NIPAL2: variants seen among roughly 807,000 people sequenced by gnomAD.
The protein encoded by NIPAL2 is NIPA like domain containing 2.
A neutral mutation model predicts 48.9 loss-of-function variants in NIPAL2; 43 were observed. That is an observed-to-expected ratio of 0.88 (90% CI 0.69 to 1.13). The LOEUF (loss-of-function observed/expected upper bound fraction) is 1.13. NIPAL2 is among the 50% of genes most tolerant of loss of function. The probability of loss-of-function intolerance (pLI) is 0.00; values close to 1 mark genes in which losing one functional copy is unlikely to be tolerated. For synonymous variants in NIPAL2, 167 were observed against 174.6 expected (o/e 0.96, Z 0.34); for missense variants, 446 against 461.4 (o/e 0.97, Z 0.31).
chr8:98,289,199 C>T (rs1248266422), intron 1 of NIPAL2, among the ~76,000 whole-genome samples: 1 of 152,008 alleles, frequency 6.6e-6, no homozygotes, highest in South Asian at 2.1e-4. Context: ...ATCCATTTTT[C>T]CCCTTTTTTT....
chr8:98,229,592 G>A (rs557190987), intron 4 of NIPAL2, among the ~76,000 whole-genome samples: 1 of 152,158 alleles, frequency 6.6e-6, no homozygotes, highest in Non-Finnish European at 1.5e-5. Flanking sequence ...TGTCCAGGCT[G>A]GTCTCGAACT....
intron 1 of NIPAL2, among the ~76,000 whole-genome samples, chr8:98,264,752 C>A (rs1273163770): frequency 2.6e-5 from 4 of 151,876 alleles, no homozygotes; most frequent in African/African-American, 7.3e-5. Context: ...GCTACCAATG[C>A]CTTTCTTCAT....
At chr8:98,238,823 T>C (rs1812846830) in intron 3 of NIPAL2, among the ~76,000 whole-genome samples, 1 of 152,140 alleles carries the variant, frequency 6.6e-6, no homozygotes. Context: ...ACATGGCTCA[T>C]TAAAGTAAGA....
chr8:98,239,019 G>A (rs1812856607), intron 3 of NIPAL2, among the ~76,000 whole-genome samples: 1 of 152,124 alleles, frequency 6.6e-6, no homozygotes, highest in Non-Finnish European at 1.5e-5. Context: ...CTAAGTAGGA[G>A]ATCGATTAGC....
In NIPAL2 at chr8:98,192,995, C is replaced by T. The variant is rs540816475; in HGVS notation, c.1135G>A (p.Glu379Lys). The change falls in exon 11 of 11, where the codon GAG (glutamate) becomes AAG (lysine). Residue 379 changes from glutamate to lysine, a missense_variant. Glu to Lys is a moderately conservative substitution (Grantham distance 56, BLOSUM62 1). Coordinates refer to ENST00000430223, the MANE Select transcript of NIPAL2 (RefSeq NM_001321635.2). ...GSDSTKSQSG[E>K]KKEV ...CTCAGCATTTAGACCTCTTTCTTCTCTCCACTTTGGCTCTTTGTTGAGTCA... is the reference window on the plus strand; with the variant it reads ...CTCAGCATTTAGACCTCTTTCTTCTTTCCACTTTGGCTCTTTGTTGAGTCA... 587 of 1,612,030 alleles carry T rather than the reference C, an allele frequency of 3.6e-4. 10 individuals are homozygous for T. In the South Asian group the frequency reaches 6.1e-3, roughly 17 times the overall value.
chr8:98,207,155 C>G (rs1049654328), intron 6 of NIPAL2, among the ~76,000 whole-genome samples: 6 of 152,190 alleles, frequency 3.9e-5, no homozygotes, highest in African/African-American at 1.4e-4. Context: ...GTTGAACGTA[C>G]TGTTCCATTA....
chr8:98,242,036 A>G (rs1199068811), intron 3 of NIPAL2, among the ~76,000 whole-genome samples: 3 of 152,256 alleles, frequency 2.0e-5, no homozygotes, highest in African/African-American at 7.2e-5. Context: ...ATGGCATAAA[A>G]GGCAAAAGGT....
At chr8:98,258,939 G>C (rs1055866046) in intron 1 of NIPAL2, among the ~76,000 whole-genome samples, 1 of 151,032 alleles carries the variant, frequency 6.6e-6, no homozygotes, top group Non-Finnish European at 1.5e-5. Flanking sequence ...AACAGTCTGC[G>C]TATTAAAAAA....
intron 1 of NIPAL2, among the ~76,000 whole-genome samples, chr8:98,285,188 C>T (rs1395552337): frequency 1.3e-5 from 2 of 152,138 alleles, no homozygotes; most frequent in Non-Finnish European, 2.9e-5. Flanking sequence ...AATGAAAGGT[C>T]CTGGGTGAGC....
chr8:98,242,950 C>T (rs1193886214), intron 3 of NIPAL2, among the ~76,000 whole-genome samples: 1 of 151,980 alleles, frequency 6.6e-6, no homozygotes, highest in Admixed American at 6.6e-5. Flanking sequence ...TTAAAAATTA[C>T]GTTAAAAAAT....
At chr8:98,236,037 A>T in intron 4 of NIPAL2, 118 bp downstream of exon 4, 1 of 694,142 alleles carries the variant, frequency 1.4e-6, no homozygotes, top group Non-Finnish European at 2.5e-6. Flanking sequence ...TCTAAATGAG[A>T]CTTACACCCA....
Position 98,222,515 on chromosome 8 carries a change from C to G in NIPAL2, c.522G>C (p.Gln174His). ...ITQAISARTV[Q>H]YYLVGWQFLI... The stretch of plus-strand genomic sequence containing the variant: ...GGAACTGCCATCCGACAAGGTAATA[C>G]TGTACTGTTCTTGCTGAGATTGCCT... The change falls in exon 5 of 11, where the codon CAG becomes CAC. Residue 174 changes from glutamine (Q) to histidine (H), a missense_variant. Gln to His is a conservative substitution (Grantham distance 24, BLOSUM62 0). Transcript: ENST00000430223. The G allele has an allele frequency of 6.2e-7, 1 of 1,614,102 alleles. No individual in the cohort carries two copies. The highest frequency in any genetic ancestry group is 8.5e-7 in the Non-Finnish European group (1 of 1,179,948).
intron 1 of NIPAL2, among the ~76,000 whole-genome samples, chr8:98,286,777 T>G (rs1477980800): frequency 7.1e-6 from 1 of 140,026 alleles, no homozygotes; most frequent in East Asian, 2.1e-4. Flanking sequence ...CAACTGCAAC[T>G]GCACTCCAGC....
intron 1 of NIPAL2, among the ~76,000 whole-genome samples, chr8:98,281,106 A>C (rs1036534259): frequency 6.6e-6 from 1 of 152,134 alleles, no homozygotes; most frequent in Non-Finnish European, 1.5e-5. Context: ...ACTGCTTGAG[A>C]AAAACACACT....
chr8:98,278,120 T>G (rs908612958), intron 1 of NIPAL2, among the ~76,000 whole-genome samples: 4 of 152,192 alleles, frequency 2.6e-5, no homozygotes, highest in African/African-American at 9.6e-5. Flanking sequence ...CTTCTGGCCC[T>G]TATTGTTGTT....
At position 98,192,851 on chromosome 8, in the gene NIPAL2, G is replaced by C; in HGVS notation, c.*127C>G. ...CGATTGTCCATAGACGCTGAGGTGG[G>C]GGAAAGGACTGAAATGAATGCTAGC... is the stretch of plus-strand genomic sequence containing the variant. On this transcript the variant is annotated 3_prime_UTR_variant, in exon 11 of 11. Coordinates refer to ENST00000430223, the MANE Select transcript of NIPAL2 (RefSeq NM_001321635.2). 1 of 654,272 alleles carries C rather than the reference G, an allele frequency of 1.5e-6. No homozygotes were observed. Among genetic ancestry groups the C allele is most frequent in the Non-Finnish European group, 2.7e-6 (1 of 364,782 alleles). The allele number at this position is 654,272 out of a possible 1,614,324, so 40.5% of individuals were successfully genotyped here.
chr8:98,223,927 A>T (rs557264383), intron 4 of NIPAL2, among the ~76,000 whole-genome samples: 1 of 152,342 alleles, frequency 6.6e-6, no homozygotes, highest in South Asian at 2.1e-4. Context: ...TTGGAAAAAA[A>T]ATTACATAAT....
At chr8:98,282,844 G>A (rs562666635) in intron 1 of NIPAL2, among the ~76,000 whole-genome samples, 3 of 152,284 alleles carry the variant, frequency 2.0e-5, no homozygotes, top group Admixed American at 2.0e-4. Context: ...CACAAACCGA[G>A]TTAAAACTAT....
intron 1 of NIPAL2, among the ~76,000 whole-genome samples, chr8:98,267,327 CTTTT>C (rs761954109): frequency 7.1e-6 from 1 of 140,852 alleles, no homozygotes; most frequent in Admixed American, 7.2e-5. Flanking sequence ...TTCTATTTTC[CTTTT>C]TTTTTTTTTT....
Sources: gnomAD v4.1 joint callset for allele counts (sites outside exome capture counted in the v4.1 genomes callset) on GRCh38, gnomAD v4.1.1 for gene constraint, MANE v1.5 for transcripts, NCBI Gene and HGNC (gene_info 2026-07-23, HGNC 2026-07-21) for gene names.